Variants in ITCH observed in about 807,000 individuals in gnomAD.
ITCH encodes the protein E3 ubiquitin-protein ligase Itchy homolog.
ITCH carries 28 observed loss-of-function variants against 126.8 expected under a neutral mutation model. The observed-to-expected ratio is 0.22, with a 90% CI of 0.16 to 0.30. The LOEUF is 0.30. Ranked by LOEUF, ITCH falls within the 10% of genes least tolerant of loss-of-function variation. The probability of loss-of-function intolerance (pLI) is 1.00; values close to 1 mark genes in which losing one functional copy is unlikely to be tolerated. For synonymous variants in ITCH, 342 were observed against 340.0 expected, an observed-to-expected ratio of 1.01 and a Z score of -0.06; for missense variants, 631 against 1,032.4, an observed-to-expected ratio of 0.61 and a Z score of 5.33.
intron 14 of ITCH, among the ~76,000 whole-genome samples, chr20:34,462,926 T>C (rs1986676010): frequency 6.6e-6 from 1 of 152,266 alleles, no homozygotes; most frequent in Non-Finnish European, 1.5e-5. Flanking sequence ...TTGTAATATG[T>C]ATCAACATTT....
chr20:34,387,440 G>A (rs113307016), intron 2 of ITCH, among the ~76,000 whole-genome samples: 11 of 152,156 alleles, frequency 7.2e-5, no homozygotes, highest in African/African-American at 2.6e-4. Flanking sequence ...AGACTAGCCC[G>A]GGCAATATAG....
At chr20:34,416,114 T>G (rs1034138563) in intron 6 of ITCH, among the ~76,000 whole-genome samples, 2 of 138,420 alleles carry the variant, frequency 1.4e-5, no homozygotes, top group African/African-American at 2.7e-5. Flanking sequence ...AGAGCGAGAC[T>G]CTGGCCAGGC....
intron 12 of ITCH, among the ~76,000 whole-genome samples, chr20:34,455,179 C>T (rs1217405130): frequency 6.6e-6 from 1 of 152,130 alleles, no homozygotes; most frequent in African/African-American, 2.4e-5. Flanking sequence ...TTAGCCATGT[C>T]AACATGGATT....
At chr20:34,478,540 C>T (rs564697651) in intron 17 of ITCH, among the ~76,000 whole-genome samples, 132 of 152,214 alleles carry the variant, frequency 8.7e-4, no homozygotes, top group African/African-American at 2.8e-3. Context: ...GGGGTCAAGA[C>T]GGGATTTGAA....
At chr20:34,466,759 C>T (rs906671891) in intron 14 of ITCH, among the ~76,000 whole-genome samples, 2 of 152,070 alleles carry the variant, frequency 1.3e-5, no homozygotes, top group Non-Finnish European at 2.9e-5. Context: ...AATTAAAACA[C>T]CACATATCAC....
At chr20:34,438,342 C>A in intron 7 of ITCH, 132 bp from the exon 8 acceptor site, 1 of 889,610 alleles carries the variant, frequency 1.1e-6, no homozygotes, top group Non-Finnish European at 1.8e-6. Flanking sequence ...ATAAGGCTGA[C>A]CAGAAATTAA....
chr20:34,377,230 C>T (rs745804376), intron 2 of ITCH, among the ~76,000 whole-genome samples: 6 of 151,954 alleles, frequency 3.9e-5, no homozygotes, highest in South Asian at 2.1e-4. Flanking sequence ...AAAAATTAGC[C>T]GGGTGTGGTG....
intron 2 of ITCH, among the ~76,000 whole-genome samples, chr20:34,386,100 T>C (rs539009951): frequency 2.6e-5 from 4 of 152,208 alleles, no homozygotes; most frequent in East Asian, 1.9e-4. Flanking sequence ...CCTTTGTTTT[T>C]TTTTTTGTTT....
chr20:34,416,909 A>AG (rs1979937992), intron 6 of ITCH, among the ~76,000 whole-genome samples: 2 of 121,012 alleles, frequency 1.7e-5, no homozygotes, highest in African/African-American at 3.3e-5. Flanking sequence ...ACCTCTTCCT[A>AG]GCTTTTTTTT....
intron 3 of ITCH, chr20:34,402,532 T>TC (rs1434862568): frequency 2.7e-6 from 2 of 744,786 alleles, no homozygotes; most frequent in African/African-American, 3.4e-5. Flanking sequence ...CTCATAATCC[T>TC]CTTGCTCTGC....
At chr20:34,382,240 G>A (rs2038092002) in intron 2 of ITCH, among the ~76,000 whole-genome samples, 1 of 152,018 alleles carries the variant, frequency 6.6e-6, no homozygotes, top group Non-Finnish European at 1.5e-5. Flanking sequence ...TAGTATTGAG[G>A]GCTCTTGGAT....
chr20:34,393,394 T>TA (rs1248889939), intron 2 of ITCH, among the ~76,000 whole-genome samples: 4 of 152,078 alleles, frequency 2.6e-5, no homozygotes, highest in African/African-American at 9.7e-5. Context: ...CTTATAGTCT[T>TA]ACCTACTGGG....
At chr20:34,503,876 TTTTTTTTGG>T (rs1990438274) in intron 23 of ITCH, among the ~76,000 whole-genome samples, 1 of 110,860 alleles carries the variant, frequency 9.0e-6, no homozygotes, top group Non-Finnish European at 2.0e-5. Flanking sequence ...TTTGGTTTTT[TTTTTTTTGG>T]TTTTTTTTTT....
At chr20:34,370,707 T>G (rs1601732934) in intron 2 of ITCH, among the ~76,000 whole-genome samples, 1 of 142,376 alleles carries the variant, frequency 7.0e-6, no homozygotes, top group Non-Finnish European at 1.5e-5. Flanking sequence ...ATCCACAAGG[T>G]GAGAGAAGTT....
chr20:34,481,420 T>C (rs1357382714), intron 20 of ITCH, among the ~76,000 whole-genome samples: 1 of 152,202 alleles, frequency 6.6e-6, no homozygotes, highest in Non-Finnish European at 1.5e-5. Context: ...ATCACTCTTT[T>C]AAACATCAAC....
At chr20:34,465,032 C>G (rs370866202) in intron 14 of ITCH, among the ~76,000 whole-genome samples, 4 of 152,192 alleles carry the variant, frequency 2.6e-5, no homozygotes, top group African/African-American at 9.6e-5. Context: ...AATTTTAGCT[C>G]TTACATTTAG....
At chr20:34,387,678 A>G (rs780650286) in intron 2 of ITCH, among the ~76,000 whole-genome samples, 1 of 150,104 alleles carries the variant, frequency 6.7e-6, no homozygotes, top group Non-Finnish European at 1.5e-5. Flanking sequence ...CTAATAGGTA[A>G]TAGAGTTTTA....
chr20:34,386,446 T>C (rs981191881), intron 2 of ITCH, among the ~76,000 whole-genome samples: 3 of 152,202 alleles, frequency 2.0e-5, no homozygotes, highest in Non-Finnish European at 2.9e-5. Flanking sequence ...GTATTTCTAA[T>C]TTACCACACA....
At chr20:34,406,054 C>T (rs928264505) in intron 3 of ITCH, among the ~76,000 whole-genome samples, 6 of 150,586 alleles carry the variant, frequency 4.0e-5, no homozygotes, top group African/African-American at 1.5e-4. Context: ...GACAGTTTTG[C>T]TCTGTTGCCC....
Sources: gnomAD v4.1 joint callset for allele counts (sites outside exome capture counted in the v4.1 genomes callset) on GRCh38, gnomAD v4.1.1 for gene constraint, MANE v1.5 for transcripts, NCBI Gene and HGNC (gene_info 2026-07-23, HGNC 2026-07-21) for gene names.